Variants in CEP112 observed in about 807,000 individuals in gnomAD.
The protein encoded by CEP112 is centrosomal protein of 112 kDa.
A neutral mutation model predicts 153.0 loss-of-function variants in CEP112; 127 were observed. That is an observed-to-expected ratio of 0.83 (90% CI 0.72 to 0.96). CEP112 has a LOEUF of 0.96. CEP112 is among the 40% of genes least tolerant of loss of function. The pLI, the probability that CEP112 is intolerant of heterozygous loss-of-function variation, is 0.00. For missense variants in CEP112, 1,089 were observed against 1,101.2 expected (o/e 0.99, Z 0.16); for synonymous variants, 358 against 374.4 (o/e 0.96, Z 0.51).
At chr17:65,752,050 C>T (rs1218640651) in intron 21 of CEP112, among the ~76,000 whole-genome samples, 1 of 150,916 alleles carries the variant, frequency 6.6e-6, no homozygotes, top group Non-Finnish European at 1.5e-5. Context: ...ATCCATCCAT[C>T]CATCCATCCA....
At chr17:65,790,609 G>A (rs780167098) in intron 21 of CEP112, among the ~76,000 whole-genome samples, 3 of 152,094 alleles carry the variant, frequency 2.0e-5, no homozygotes, top group Non-Finnish European at 2.9e-5. Flanking sequence ...TTCGATCCTC[G>A]CATGGAAATA....
chr17:65,714,717 C>T (rs1000482732), intron 23 of CEP112, among the ~76,000 whole-genome samples: 1 of 152,122 alleles, frequency 6.6e-6, no homozygotes, highest in African/African-American at 2.4e-5. Context: ...TGATGCAAGT[C>T]TGAAAAATTA....
intron 23 of CEP112, among the ~76,000 whole-genome samples, chr17:65,718,196 A>G (rs1452426096): frequency 6.6e-6 from 1 of 152,108 alleles, no homozygotes; most frequent in Non-Finnish European, 1.5e-5. Flanking sequence ...ACCTGAGGTC[A>G]GGAGTTCGAG....
intron 8 of CEP112, among the ~76,000 whole-genome samples, chr17:66,086,258 G>C (rs2067923741): frequency 6.6e-6 from 1 of 151,820 alleles, no homozygotes; most frequent in Admixed American, 6.6e-5. Context: ...ATGCACAAGA[G>C]TTGTTTTATA....
chr17:66,186,427 G>A (rs892830116), intron 1 of CEP112, among the ~76,000 whole-genome samples: 6 of 151,786 alleles, frequency 4.0e-5, no homozygotes, highest in East Asian at 1.9e-4. Context: ...TCAGCCTCCC[G>A]AGTAGGCACC....
intron 24 of CEP112, among the ~76,000 whole-genome samples, chr17:65,659,015 CAAAAAAAAAAAA>C (rs777326885): frequency 5.4e-5 from 3 of 55,600 alleles, no homozygotes; most frequent in South Asian, 1.1e-3. Context: ...GACTCTGTCT[CAAAAAAAAAAAA>C]AAAAAAAAAA....
intron 24 of CEP112, among the ~76,000 whole-genome samples, chr17:65,682,526 T>G (rs1598300785): frequency 6.6e-6 from 1 of 152,314 alleles, no homozygotes; most frequent in East Asian, 1.9e-4. Flanking sequence ...CCCCCATTGC[T>G]GACAACTGCT....
chr17:65,722,970 T>G (rs981234102), intron 23 of CEP112, among the ~76,000 whole-genome samples: 1 of 152,198 alleles, frequency 6.6e-6, no homozygotes, highest in African/African-American at 2.4e-5. Context: ...GAATATCCAT[T>G]GTCTAGCTGG....
At chr17:65,943,100 T>C (rs11867289) in intron 18 of CEP112, among the ~76,000 whole-genome samples, 9,831 of 152,222 alleles carry the variant, frequency 0.065, 460 homozygotes, top group African/African-American at 0.12. Context: ...GATAGATACA[T>C]AGATATGAAT....
intron 18 of CEP112, among the ~76,000 whole-genome samples, chr17:65,960,564 C>T (rs2062163119): frequency 6.6e-6 from 1 of 152,168 alleles, no homozygotes; most frequent in Admixed American, 6.5e-5. Flanking sequence ...TACTTCCATA[C>T]AACCTGGGCA....
At chr17:65,958,823 C>T in intron 18 of CEP112, among the ~76,000 whole-genome samples, 1 of 152,136 alleles carries the variant, frequency 6.6e-6, no homozygotes, top group Non-Finnish European at 1.5e-5. Flanking sequence ...GCTGCAAGTC[C>T]CACAGACTGG....
chr17:66,027,104 C>T (rs1208744023), intron 16 of CEP112, among the ~76,000 whole-genome samples: 1 of 152,150 alleles, frequency 6.6e-6, no homozygotes, highest in South Asian at 2.1e-4. Context: ...TGGCTGGGCG[C>T]AATGGCTCAT....
chr17:66,048,573 C>G (rs1356529), intron 12 of CEP112, among the ~76,000 whole-genome samples: 62,551 of 152,126 alleles, frequency 0.41, 14,336 homozygotes, highest in East Asian at 0.87. Context: ...ACTTACAATA[C>G]AGACAGATTT....
intron 24 of CEP112, among the ~76,000 whole-genome samples, chr17:65,664,408 G>C (rs111871654): frequency 6.6e-6 from 1 of 152,202 alleles, no homozygotes; most frequent in African/African-American, 2.4e-5. Flanking sequence ...AAGTCTGGCA[G>C]AGAGATCCAA....
At chr17:65,692,747 C>T (rs1002409032) in intron 23 of CEP112, among the ~76,000 whole-genome samples, 3 of 152,102 alleles carry the variant, frequency 2.0e-5, no homozygotes, top group Admixed American at 2.0e-4. Flanking sequence ...AATTAATTTA[C>T]ATGTCTGGGT....
Position 66,055,149 on chromosome 17 carries a change from C to T in CEP112, c.1075-1270G>A, listed in dbSNP as rs2066627861. On this transcript the variant is annotated intron_variant, in intron 11 of 26. Coordinates refer to ENST00000535342, the MANE Select transcript of CEP112 (RefSeq NM_001199165.4). The stretch of plus-strand genomic sequence containing the variant: ...GAACTCTTATTTGACTAGAAAGATA[C>T]TGGAAGGACAGGGAAAACCTGTGAG... Among the ~76,000 whole-genome samples the T allele has an allele frequency of 2.0e-5, 3 of 152,180 alleles. No homozygotes were observed. In the South Asian group the frequency reaches 6.2e-4, roughly 32 times the overall value.
At chr17:65,845,133 A>G (rs2057681259) in intron 21 of CEP112, among the ~76,000 whole-genome samples, 1 of 152,196 alleles carries the variant, frequency 6.6e-6, no homozygotes, top group Non-Finnish European at 1.5e-5. Context: ...CAGCCTGACC[A>G]ACATGGAGAA....
chr17:65,961,442 A>T (rs1414916098), intron 18 of CEP112, 21 bp downstream of exon 18: 1 of 1,570,620 alleles, frequency 6.4e-7, no homozygotes, highest in Non-Finnish European at 8.7e-7. Context: ...TTCAAAAGGG[A>T]TGGTGTGGCA....
At chr17:65,888,949 T>A (rs1042469047) in intron 20 of CEP112, among the ~76,000 whole-genome samples, 5 of 152,194 alleles carry the variant, frequency 3.3e-5, no homozygotes, top group African/African-American at 1.2e-4. Flanking sequence ...ATTCCTTTTT[T>A]CCTGTCAGAA....
Sources: allele counts gnomAD v4.1 joint callset (sites outside exome capture counted in the v4.1 genomes callset), GRCh38; gene constraint gnomAD v4.1.1; transcripts MANE v1.5; gene names NCBI Gene and HGNC (gene_info 2026-07-23, HGNC 2026-07-21).